ZFHX3: variants seen among roughly 807,000 people sequenced by gnomAD.
The protein encoded by ZFHX3 is zinc finger homeobox 3.
Under a neutral mutation model 279.1 loss-of-function variants are expected in ZFHX3, and 42 were observed. The observed-to-expected ratio is 0.15, with a 90% CI of 0.12 to 0.19. The LOEUF (loss-of-function observed/expected upper bound fraction) is 0.19. Ranked by LOEUF, ZFHX3 falls within the 10% of genes least tolerant of loss-of-function variation. The probability of loss-of-function intolerance (pLI) is 1.00; values close to 1 mark genes in which losing one functional copy is unlikely to be tolerated. For missense variants in ZFHX3, 4,981 were observed against 4,754.0 expected (o/e 1.05, Z -1.40); for synonymous variants, 2,293 against 1,957.8 (o/e 1.17, Z -4.52).
chr16:73,378,927 T>C (rs1157033813), intron 3 of ZFHX3, among the ~76,000 whole-genome samples: 2 of 152,188 alleles, frequency 1.3e-5, no homozygotes, highest in Non-Finnish European at 2.9e-5. Flanking sequence ...TTTTTAAGAT[T>C]GTCCTTTTGG....
intron 2 of ZFHX3, among the ~76,000 whole-genome samples, chr16:73,599,093 A>C (rs756510943): frequency 6.6e-6 from 1 of 152,206 alleles, no homozygotes; most frequent in Non-Finnish European, 1.5e-5. Flanking sequence ...GGGTTTCTTC[A>C]TACTATCATA....
At chr16:73,008,469 T>C (rs567520816) in intron 1 of ZFHX3, among the ~76,000 whole-genome samples, 316 of 152,164 alleles carry the variant, frequency 2.1e-3, no homozygotes, top group African/African-American at 7.3e-3. Flanking sequence ...AACACGACAA[T>C]GTTAAAAGTG....
chr16:72,906,098 AC>A (rs545291890), intron 3 of ZFHX3, among the ~76,000 whole-genome samples: 1 of 151,398 alleles, frequency 6.6e-6, no homozygotes, highest in African/African-American at 2.4e-5. Flanking sequence ...TGACTGGCCA[AC>A]CCCCCGATAA....
intron 4 of ZFHX3, among the ~76,000 whole-genome samples, chr16:72,874,453 C>A (rs2038254963): frequency 6.6e-6 from 1 of 151,966 alleles, no homozygotes; most frequent in African/African-American, 2.4e-5. Context: ...CTGCCCGCCT[C>A]GGCCTCCCAA....
intron 4 of ZFHX3, among the ~76,000 whole-genome samples, chr16:73,286,119 CT>C (rs2014589622): frequency 2.6e-5 from 4 of 152,080 alleles, no homozygotes; most frequent in Admixed American, 2.6e-4. Flanking sequence ...CCAACCAATT[CT>C]TCCCTCCGCG....
intron 2 of ZFHX3, among the ~76,000 whole-genome samples, chr16:73,475,168 G>T (rs1173493149): frequency 1.3e-5 from 2 of 152,134 alleles, no homozygotes; most frequent in African/African-American, 4.8e-5. Context: ...TCACATTTTT[G>T]AGAATAAAAG....
chr16:73,047,116 A>G (rs1486406315), intron 1 of ZFHX3, among the ~76,000 whole-genome samples: 1 of 152,162 alleles, frequency 6.6e-6, no homozygotes, highest in Non-Finnish European at 1.5e-5. Context: ...CAAGCCTACA[A>G]TGCTTCTTTT....
intron 4 of ZFHX3, among the ~76,000 whole-genome samples, chr16:72,881,923 C>T (rs2038483959): frequency 6.6e-6 from 1 of 152,156 alleles, no homozygotes; most frequent in Non-Finnish European, 1.5e-5. Flanking sequence ...TTGGATACAC[C>T]TTTCGAAGGT....
chr16:72,866,440 G>A (rs904897858), intron 4 of ZFHX3, among the ~76,000 whole-genome samples: 1 of 152,130 alleles, frequency 6.6e-6, no homozygotes, highest in African/African-American at 2.4e-5. Context: ...ACATTTTTTT[G>A]TGCATGTGCA....
chr16:72,963,024 T>C (rs1379123171), intron 1 of ZFHX3, among the ~76,000 whole-genome samples: 1 of 152,106 alleles, frequency 6.6e-6, no homozygotes, highest in East Asian at 1.9e-4. Context: ...AAAAAGGTAG[T>C]TCTTACTTAA....
At chr16:73,864,883 G>C (rs950108627) in intron 1 of ZFHX3, among the ~76,000 whole-genome samples, 1 of 152,232 alleles carries the variant, frequency 6.6e-6, no homozygotes, top group Non-Finnish European at 1.5e-5. Context: ...AGTAAGAGGA[G>C]ACAACAATTC....
At chr16:73,059,882 G>A (rs535456273), upstream of ZFHX3, among the ~76,000 whole-genome samples, 1 of 152,240 alleles carries the variant, frequency 6.6e-6, no homozygotes, top group South Asian at 2.1e-4. Context: ...GAGGAAGAGA[G>A]GAGGGGTGAT....
intron 2 of ZFHX3, among the ~76,000 whole-genome samples, chr16:73,464,605 G>T (rs896816938): frequency 7.4e-6 from 1 of 135,532 alleles, no homozygotes; most frequent in African/African-American, 2.7e-5. Context: ...GGGCGGGGGG[G>T]AGAGGGGAAA....
chr16:73,868,006 C>T (rs1962071864), intron 1 of ZFHX3, among the ~76,000 whole-genome samples: 1 of 152,198 alleles, frequency 6.6e-6, no homozygotes, highest in Non-Finnish European at 1.5e-5. Context: ...CTTCCTTCTT[C>T]ATACCTCCAG....
intron 5 of ZFHX3, among the ~76,000 whole-genome samples, chr16:73,191,969 ACCCTGGGCCT>A (rs902838265): frequency 4.6e-5 from 7 of 152,156 alleles, no homozygotes; most frequent in African/African-American, 1.7e-4. Flanking sequence ...AACATGCAGC[ACCCTGGGCCT>A]CCCCCGTTAG....
chr16:72,949,504 G>A (rs1960868619), intron 3 of ZFHX3, among the ~76,000 whole-genome samples: 1 of 152,182 alleles, frequency 6.6e-6, no homozygotes, highest in Non-Finnish European at 1.5e-5. Flanking sequence ...GACGTCTGGA[G>A]CAATTCTGCC....
chr16:73,381,513 A>G (rs960678506), intron 3 of ZFHX3, among the ~76,000 whole-genome samples: 1 of 152,212 alleles, frequency 6.6e-6, no homozygotes, highest in African/African-American at 2.4e-5. Flanking sequence ...GATACATTGG[A>G]ATTTCATCTA....
chr16:73,880,642 CT>C (rs1422330345), intron 1 of ZFHX3, among the ~76,000 whole-genome samples: 4 of 152,138 alleles, frequency 2.6e-5, no homozygotes, highest in African/African-American at 9.7e-5. Flanking sequence ...ATGCTTCTAT[CT>C]AAGAGTAAAA....
At chr16:73,549,010 C>G (rs967186992) in intron 2 of ZFHX3, among the ~76,000 whole-genome samples, 2 of 152,138 alleles carry the variant, frequency 1.3e-5, no homozygotes, top group African/African-American at 4.8e-5. Context: ...AATGTATATG[C>G]AATTTTAGTT....
Sources: allele counts gnomAD v4.1 joint callset (sites outside exome capture counted in the v4.1 genomes callset), GRCh38; gene constraint gnomAD v4.1.1; transcripts MANE v1.5; gene names NCBI Gene and HGNC (gene_info 2026-07-23, HGNC 2026-07-21).